The following UQCRB variants were observed in gnomAD, a reference collection of about 807,000 sequenced individuals.
The protein encoded by UQCRB is ubiquinol-cytochrome c reductase binding protein.
Under a neutral mutation model 19.8 loss-of-function variants are expected in UQCRB, and 12 were observed. The observed-to-expected ratio is 0.61, with a 90% CI of 0.39 to 0.98. UQCRB has a LOEUF of 0.98. UQCRB is among the 50% of genes least tolerant of loss of function. The pLI is 0.00. For synonymous variants in UQCRB, 39 were observed against 42.9 expected (o/e 0.91, Z 0.35); for missense variants, 142 against 131.8 (o/e 1.08, Z -0.38).
Position 96,229,526 on chromosome 8 carries a change from A to G in UQCRB, c.*1529T>C, listed in dbSNP as rs765307096. 8.8e-6 allele frequency: 4 copies of G among 453,996 alleles called. No individual in the cohort carries two copies. The highest frequency in any genetic ancestry group is 4.7e-5 in the Admixed American group (2 of 42,564). The allele number at this position is 453,996 out of a possible 1,614,324, so 28.1% of individuals were successfully genotyped here. On this transcript the variant is annotated 3_prime_UTR_variant, in exon 4 of 4. Coordinates refer to ENST00000287022, the MANE Select transcript of UQCRB (RefSeq NM_006294.5). ...CTGCAAACGTGATCTTGAAATCACTATTAAAAGAGCCTTTGCAGAGATCTA... is the reference window on the plus strand; with the variant it reads ...CTGCAAACGTGATCTTGAAATCACTGTTAAAAGAGCCTTTGCAGAGATCTA...
chr8:96,231,643 C>T (rs781494789), intron 3 of UQCRB, 131 bp downstream of exon 3: 9 of 1,419,198 alleles, frequency 6.3e-6, no homozygotes, highest in Admixed American at 3.5e-5. Context: ...ATAACATTTG[C>T]TTTATTAACC....
At position 96,227,521 on chromosome 8, in the gene UQCRB, C is replaced by T; in HGVS notation, c.*3534G>A. ...TAACCATCCCTCTCTGATACTGTCC[C>T]TCCTAAAATCCATGCTTCCTCCCAT... On this transcript the variant is annotated 3_prime_UTR_variant, in exon 4 of 4. Coordinates refer to ENST00000287022, the MANE Select transcript of UQCRB (RefSeq NM_006294.5). 2.2e-6 allele frequency: 1 copy of T among 454,130 alleles called. No homozygotes were observed. The highest frequency in any genetic ancestry group is 4.4e-6 in the Non-Finnish European group (1 of 226,798). 28.1% of individuals were successfully genotyped at this position (454,130 alleles called of 1,614,324 possible). A position where few individuals can be genotyped will look rare whatever the true frequency, so the allele number is the denominator to read the frequency against.
rs1421170848 is a variant in UQCRB, at chr8:96,223,342, C to T, written c.*7713G>A. ...CAATTTCAAGGAAGACAGAATTTAA[C>T]TTTCCATTTGCTCACTTGCAAAGTG... On this transcript the variant is annotated 3_prime_UTR_variant, in exon 4 of 4. Coordinates refer to ENST00000287022, the MANE Select transcript of UQCRB (RefSeq NM_006294.5). Among the ~76,000 whole-genome samples the T allele has an allele frequency of 6.6e-6, 1 of 152,186 alleles. No individual in the cohort carries two copies. Among genetic ancestry groups the T allele is most frequent in the Non-Finnish European group, 1.5e-5 (1 of 68,024 alleles).
At chr8:96,233,420 C>T (rs1168307790) in intron 1 of UQCRB, 193 bp from the exon 2 acceptor site, 1 of 561,832 alleles carries the variant, frequency 1.8e-6, no homozygotes, top group Non-Finnish European at 3.1e-6. Flanking sequence ...AGTTTATACT[C>T]TATAAAATGT....
At position 96,228,646 on chromosome 8, in the gene UQCRB, G is replaced by A; in HGVS notation, c.*2409C>T. The A allele has an allele frequency of 2.2e-6, 1 of 454,102 alleles. No homozygotes were observed. The highest frequency in any genetic ancestry group is 4.4e-6 in the Non-Finnish European group (1 of 226,786). The allele number at this position is 454,102 out of a possible 1,614,324, so 28.1% of individuals were successfully genotyped here. A position where few individuals can be genotyped will look rare whatever the true frequency, so the allele number is the denominator to read the frequency against. On this transcript the variant is annotated 3_prime_UTR_variant, in exon 4 of 4. Coordinates refer to ENST00000287022, the MANE Select transcript of UQCRB (RefSeq NM_006294.5). ...GCCAGAAACTGTTAGTGCTTGACAT[G>A]CAGTCAGTTAATTTTCACAACTGGG...
In UQCRB at chr8:96,228,030, G is replaced by A. The variant is rs1282641893; in HGVS notation, c.*3025C>T. On this transcript the variant is annotated 3_prime_UTR_variant, in exon 4 of 4. Coordinates refer to ENST00000287022, the MANE Select transcript of UQCRB (RefSeq NM_006294.5). ...ACTAGGACCACAGCTGGCAATTGGGGGTCTGAAGGCCCGACATCCCTTACG... is the reference window on the plus strand; with the variant it reads ...ACTAGGACCACAGCTGGCAATTGGGAGTCTGAAGGCCCGACATCCCTTACG... The A allele has an allele frequency of 4.4e-6, 2 of 453,940 alleles. No individual in the cohort carries two copies. The highest frequency in any genetic ancestry group is 8.8e-6 in the Non-Finnish European group (2 of 226,794). The allele number at this position is 453,940 out of a possible 1,614,324, so 28.1% of individuals were successfully genotyped here.
At position 96,233,029 on chromosome 8, in the gene UQCRB, A is replaced by G. The variant is rs1809711814; in HGVS notation, c.91+127T>C. 3.8e-5 allele frequency: 31 copies of G among 809,040 alleles called. No homozygotes were observed. The South Asian group carries it at 4.6e-4, about 12-fold the overall frequency. The allele number at this position is 809,040 out of a possible 1,614,324, so 50.1% of individuals were successfully genotyped here. A position where few individuals can be genotyped will look rare whatever the true frequency, so the allele number is the denominator to read the frequency against. On this transcript the variant is annotated intron_variant, in intron 2 of 3. Transcript: ENST00000287022. ...ATTTAATTTTAAAATCTTCTGATGT[A>G]TACAAGAACTGAAATGGTTTTTGGA...
rs770107348 is a variant in UQCRB, at chr8:96,228,909, T to C, written c.*2146A>G. 17 of 453,936 alleles carry C rather than the reference T, an allele frequency of 3.7e-5. No individual in the cohort carries two copies. Among genetic ancestry groups the C allele is most frequent in the Non-Finnish European group, 7.5e-5 (17 of 226,780 alleles). The allele number at this position is 453,936 out of a possible 1,614,324, so 28.1% of individuals were successfully genotyped here. A position where few individuals can be genotyped will look rare whatever the true frequency, so the allele number is the denominator to read the frequency against. ...TGCAGAGTGCCTGTGTTTCAGGCAC[T>C]CTCATGGTGATTTTCCACACAGGAC... On this transcript the variant is annotated 3_prime_UTR_variant, in exon 4 of 4. Coordinates refer to ENST00000287022, the MANE Select transcript of UQCRB (RefSeq NM_006294.5).
rs1252183301 is a variant in UQCRB at position 96,230,865 on chromosome 8, T to C, written c.*190A>G. The C allele has an allele frequency of 8.1e-6, 6 of 743,162 alleles. No homozygotes were observed. Among genetic ancestry groups the C allele is most frequent in the South Asian group, 1.5e-5 (1 of 67,720 alleles). The allele number at this position is 743,162 out of a possible 1,614,324, so 46.0% of individuals were successfully genotyped here. A position where few individuals can be genotyped will look rare whatever the true frequency, so the allele number is the denominator to read the frequency against. Reference sequence around the variant, plus strand: ...ACACAACTAAATATATCTTGAAAGTTTGGAAAAAAATTTAACAGTAAAGGG... The same window carrying C: ...ACACAACTAAATATATCTTGAAAGTCTGGAAAAAAATTTAACAGTAAAGGG... On this transcript the variant is annotated 3_prime_UTR_variant, in exon 4 of 4. Transcript: ENST00000287022.
rs1809577509 is a variant in UQCRB, at chr8:96,228,474, C to G, written c.*2581G>C. 1 of 453,914 alleles carries G rather than the reference C, an allele frequency of 2.2e-6. No individual in the cohort carries two copies. Among genetic ancestry groups the G allele is most frequent in the South Asian group, 1.6e-5 (1 of 64,478 alleles). The allele number at this position is 453,914 out of a possible 1,614,324, so 28.1% of individuals were successfully genotyped here. ...GTGACACCCAAGGGGAGTAGATGAA[C>G]CAGAAACAAGAGTGCCACATAGAAG... On this transcript the variant is annotated 3_prime_UTR_variant, in exon 4 of 4. Transcript: ENST00000287022.
intron 1 of UQCRB, 133 bp downstream of exon 1, chr8:96,235,379 G>A (rs1809786010): frequency 1.5e-6 from 2 of 1,307,392 alleles, no homozygotes; most frequent in Non-Finnish European, 2.2e-6. Flanking sequence ...CCTTTTCACT[G>A]GACTGAAGCA....
chr8:96,231,173 T>C (rs1554577699), intron 3 of UQCRB, 41 bp from the exon 4 acceptor site: 1 of 1,614,174 alleles, frequency 6.2e-7, no homozygotes, highest in South Asian at 1.1e-5. Context: ...CATCACGTAC[T>C]GATATATCCC....
rs1346680887 is a variant in UQCRB at position 96,228,625 on chromosome 8, G to C, written c.*2430C>G. ...TTTACATTATGCATACTATATGCCA[G>C]AAACTGTTAGTGCTTGACATGCAGT... is the stretch of plus-strand genomic sequence containing the variant. On this transcript the variant is annotated 3_prime_UTR_variant, in exon 4 of 4. Transcript: ENST00000287022. 2 of 454,130 alleles carry C rather than the reference G, an allele frequency of 4.4e-6. No individual in the cohort carries two copies. The highest frequency in any genetic ancestry group is 8.8e-6 in the Non-Finnish European group (2 of 226,786). The allele number at this position is 454,130 out of a possible 1,614,324, so 28.1% of individuals were successfully genotyped here. A position where few individuals can be genotyped will look rare whatever the true frequency, so the allele number is the denominator to read the frequency against.
Position 96,227,671 on chromosome 8 carries a change from C to T in UQCRB, c.*3384G>A. 1 of 453,998 alleles carries T rather than the reference C, an allele frequency of 2.2e-6. No individual in the cohort carries two copies. Among genetic ancestry groups the T allele is most frequent in the Non-Finnish European group, 4.4e-6 (1 of 226,730 alleles). The allele number at this position is 453,998 out of a possible 1,614,324, so 28.1% of individuals were successfully genotyped here. On this transcript the variant is annotated 3_prime_UTR_variant, in exon 4 of 4. Transcript: ENST00000287022. ...TATTTTCAAAGCTACACACAGGATG[C>T]CCATATTTTTAAAACTCCATCCTAT...
rs558097572 is a variant in UQCRB at position 96,230,319 on chromosome 8, C to T, written c.*736G>A. 12 of 419,030 alleles carry T rather than the reference C, an allele frequency of 2.9e-5. No homozygotes were observed. Among genetic ancestry groups the T allele is most frequent in the African/African-American group, 1.6e-4 (8 of 48,568 alleles). 26.0% of individuals were successfully genotyped at this position (419,030 alleles called of 1,614,324 possible). On this transcript the variant is annotated 3_prime_UTR_variant, in exon 4 of 4. Coordinates refer to ENST00000287022, the MANE Select transcript of UQCRB (RefSeq NM_006294.5). The stretch of plus-strand genomic sequence containing the variant: ...CTCAAATTCCTGACTTCAGGTGACC[C>T]GCCCGCCTCGGCCTCCCAAAGTGCT...
rs189786465 is a variant in UQCRB at position 96,232,111 on chromosome 8, A to G, written c.92-171T>C. 9 of 664,344 alleles carry G rather than the reference A, an allele frequency of 1.4e-5. No homozygotes were observed. The Admixed American group carries it at 1.9e-4, about 14-fold the overall frequency. The allele number at this position is 664,344 out of a possible 1,614,324, so 41.2% of individuals were successfully genotyped here. On this transcript the variant is annotated intron_variant, in intron 2 of 3. Coordinates refer to ENST00000287022, the MANE Select transcript of UQCRB (RefSeq NM_006294.5). ...ATTTCATACATTATAGGTTGGTGCA[A>G]AAGTAATTGCAGTTTTGCCATTAAA...
At position 96,228,984 on chromosome 8, in the gene UQCRB, G is replaced by A. The variant is rs1809593377; in HGVS notation, c.*2071C>T. The stretch of plus-strand genomic sequence containing the variant: ...CTCTTTCAAATGAAAGGACTTCACT[G>A]ATGGATTAACAAATTCTCACCCATT... On this transcript the variant is annotated 3_prime_UTR_variant, in exon 4 of 4. Transcript: ENST00000287022. 4.4e-6 allele frequency: 2 copies of A among 453,984 alleles called. No homozygotes were observed. The highest frequency in any genetic ancestry group is 4.0e-5 in the African/African-American group (2 of 49,996). 28.1% of individuals were successfully genotyped at this position (453,984 alleles called of 1,614,324 possible). A position where few individuals can be genotyped will look rare whatever the true frequency, so the allele number is the denominator to read the frequency against.
intron 1 of UQCRB, 26 bp downstream of exon 1, chr8:96,235,486 G>T: frequency 6.2e-7 from 1 of 1,614,176 alleles, no homozygotes; most frequent in East Asian, 2.2e-5. Context: ...CGACGATGCC[G>T]GCCAAGAAGA....
At position 96,223,473 on chromosome 8, in the gene UQCRB, AC is replaced by A. The variant is rs1809479057; in HGVS notation, c.*7581del. On this transcript the variant is annotated 3_prime_UTR_variant, in exon 4 of 4. Transcript: ENST00000287022. ...GAATAAATGAAACCTGAAATGGCCC[AC>A]AGTGAACACTAGGTAAATAGTATTT... Among the ~76,000 whole-genome samples the A allele has an allele frequency of 6.6e-6, 1 of 152,234 alleles. No homozygotes were observed. The highest frequency in any genetic ancestry group is 2.4e-5 in the African/African-American group (1 of 41,460).
Sources: gnomAD v4.1 joint callset for allele counts (sites outside exome capture counted in the v4.1 genomes callset) on GRCh38, gnomAD v4.1.1 for gene constraint, MANE v1.5 for transcripts, NCBI Gene and HGNC (gene_info 2026-07-23, HGNC 2026-07-21) for gene names.